DNAH12: variants seen among roughly 807,000 people sequenced by gnomAD.
DNAH12 encodes axonemal beta dynein heavy chain 12.
A neutral mutation model predicts 371.5 loss-of-function variants in DNAH12; 285 were observed. That is an observed-to-expected ratio of 0.77 (90% CI 0.70 to 0.85). The LOEUF (loss-of-function observed/expected upper bound fraction) is 0.85. Ranked by LOEUF, DNAH12 falls within the 40% of genes least tolerant of loss-of-function variation. DNAH12 has a pLI of 0.00. For synonymous variants in DNAH12, 1,200 were observed against 1,213.0 expected (o/e 0.99, Z 0.22); for missense variants, 3,611 against 3,689.4 (o/e 0.98, Z 0.55).
chr3:57,550,934 A>G, the DNAH12 span, among the ~76,000 whole-genome samples: 1 of 147,720 alleles, frequency 6.8e-6, no homozygotes, highest in African/African-American at 2.5e-5. Context: ...GCTGGAGTGC[A>G]GTGGCGCAAT....
chr3:57,492,865 T>A (rs1386739285), intron 11 of DNAH12, among the ~76,000 whole-genome samples: 1 of 151,692 alleles, frequency 6.6e-6, no homozygotes, highest in African/African-American at 2.4e-5. Flanking sequence ...ATTGGCCAGG[T>A]GTAGTGGTAG....
At chr3:57,479,560 AC>A (rs1490018080) in intron 13 of DNAH12, among the ~76,000 whole-genome samples, 2 of 152,196 alleles carry the variant, frequency 1.3e-5, no homozygotes, top group African/African-American at 4.8e-5. Flanking sequence ...TCAACTCTGC[AC>A]CAAGCGGACC....
intron 32 of DNAH12, 79 bp from the exon 33 acceptor site, chr3:57,429,853 T>C (rs1466761377): frequency 7.6e-6 from 9 of 1,182,088 alleles, no homozygotes; most frequent in Middle Eastern, 2.9e-4. Context: ...ATGTATAAAA[T>C]AAAGTAGCTC....
At chr3:57,497,880 A>T (rs1287114950) in intron 11 of DNAH12, 2 of 152,206 alleles carry the variant, frequency 1.3e-5, no homozygotes, top group Non-Finnish European at 2.9e-5. Context: ...AAACTATTTC[A>T]GATACAAGAC....
At chr3:57,356,244 C>A (rs1169238454) in intron 59 of DNAH12, among the ~76,000 whole-genome samples, 1 of 151,916 alleles carries the variant, frequency 6.6e-6, no homozygotes, top group Admixed American at 6.6e-5. Flanking sequence ...GAGTTCGAGA[C>A]CAGCCTGGGC....
chr3:57,323,381 C>CAGAG (rs2061855574), intron 63 of DNAH12, 88 bp downstream of exon 63: 3 of 1,470,012 alleles, frequency 2.0e-6, no homozygotes, highest in Admixed American at 5.4e-5. Context: ...ATCAGATTTA[C>CAGAG]TAACTGATTT....
chr3:57,401,275 C>T (rs1223656830), intron 43 of DNAH12, among the ~76,000 whole-genome samples: 9 of 151,450 alleles, frequency 5.9e-5, no homozygotes, highest in South Asian at 2.1e-4. Flanking sequence ...AGAGGCCAGA[C>T]GCGGTGGCTG....
At chr3:57,476,618 G>T (rs1326226203) in intron 13 of DNAH12, among the ~76,000 whole-genome samples, 1 of 152,034 alleles carries the variant, frequency 6.6e-6, no homozygotes, top group African/African-American at 2.4e-5. Context: ...GAAGACAAGG[G>T]ATTATGATGG....
chr3:57,307,581 A>T (rs550944), intron 69 of DNAH12, among the ~76,000 whole-genome samples: 67,128 of 151,730 alleles, frequency 0.44, 16,006 homozygotes, highest in East Asian at 0.92. Context: ...ACTATGCTCA[A>T]CTCACTCTCT....
At chr3:57,307,079 G>A (rs530677048) in intron 69 of DNAH12, among the ~76,000 whole-genome samples, 7 of 152,152 alleles carry the variant, frequency 4.6e-5, no homozygotes, top group African/African-American at 9.6e-5. Flanking sequence ...CTTCAGTCAC[G>A]CCCAAATTTC....
intron 70 of DNAH12, among the ~76,000 whole-genome samples, chr3:57,300,472 A>T (rs1266989900): frequency 6.6e-6 from 1 of 152,180 alleles, no homozygotes; most frequent in Admixed American, 6.5e-5. Flanking sequence ...AAAAGCTCCT[A>T]TCAATTAATA....
At chr3:57,362,897 C>A (rs1358962025) in intron 58 of DNAH12, among the ~76,000 whole-genome samples, 1 of 152,144 alleles carries the variant, frequency 6.6e-6, no homozygotes, top group Non-Finnish European at 1.5e-5. Flanking sequence ...TCTATTTTGG[C>A]TTTTGTTGCC....
intron 34 of DNAH12, among the ~76,000 whole-genome samples, 158 bp from the exon 35 acceptor site, chr3:57,425,299 G>T (rs2064730845): frequency 6.6e-6 from 1 of 151,922 alleles, no homozygotes; most frequent in South Asian, 2.1e-4. Context: ...CCAGGCTGGA[G>T]CCCAGTTGCA....
chr3:57,400,166 T>A (rs944765198), intron 43 of DNAH12, among the ~76,000 whole-genome samples: 4 of 152,270 alleles, frequency 2.6e-5, no homozygotes, highest in African/African-American at 9.6e-5. Flanking sequence ...TGTGCACCTG[T>A]AATCCCAGCT....
chr3:57,294,168 TTTC>T (rs1037239050), intron 73 of DNAH12, among the ~76,000 whole-genome samples, 197 bp from the exon 74 acceptor site: 77 of 133,152 alleles, frequency 5.8e-4, no homozygotes, highest in Non-Finnish European at 1.1e-3. Context: ...AAGTATTTCT[TTTC>T]TTTTCTTTTT....
At chr3:57,513,980 T>C (rs150891958) in intron 4 of DNAH12, among the ~76,000 whole-genome samples, 1 of 152,298 alleles carries the variant, frequency 6.6e-6, no homozygotes, top group Non-Finnish European at 1.5e-5. Context: ...TGCAGCAAAA[T>C]ACTGGAAACA....
At chr3:57,382,175 T>C (rs1270276150) in intron 50 of DNAH12, 87 bp downstream of exon 50, 1 of 152,176 alleles carries the variant, frequency 6.6e-6, no homozygotes, top group East Asian at 1.9e-4. Context: ...CTTCCCTAAT[T>C]TGGGTACTGT....
chr3:57,438,641 A>G (rs2153368054), intron 29 of DNAH12, among the ~76,000 whole-genome samples: 1 of 152,146 alleles, frequency 6.6e-6, no homozygotes, highest in South Asian at 2.1e-4. Context: ...AATAACATTC[A>G]AGCTGAAAGT....
chr3:57,446,503 A>G, intron 26 of DNAH12, 34 bp downstream of exon 26: 2 of 1,503,978 alleles, frequency 1.3e-6, no homozygotes, highest in African/African-American at 1.4e-5. Context: ...TAAGTTTGAA[A>G]CATTTAATAT....
Sources: allele counts gnomAD v4.1 joint callset (sites outside exome capture counted in the v4.1 genomes callset), GRCh38; gene constraint gnomAD v4.1.1; transcripts MANE v1.5; gene names NCBI Gene and HGNC (gene_info 2026-07-23, HGNC 2026-07-21).